The following MAGI2 variants were observed in gnomAD, a reference collection of about 807,000 sequenced individuals.
MAGI2 encodes membrane associated guanylate kinase, WW and PDZ domain containing 2, also known as membrane-associated guanylate kinase, WW and PDZ domain-containing protein 2.
Under a neutral mutation model 133.3 loss-of-function variants are expected in MAGI2, and 35 were observed. The observed-to-expected ratio is 0.26, with a 90% CI of 0.20 to 0.35. MAGI2 has a LOEUF of 0.35. Ranked by LOEUF, MAGI2 falls within the 10% of genes least tolerant of loss-of-function variation. The pLI, the probability that MAGI2 is intolerant of heterozygous loss-of-function variation, is 1.00. For missense variants in MAGI2, 1,636 were observed against 1,863.4 expected (o/e 0.88, Z 2.25); for synonymous variants, 729 against 710.6 (o/e 1.03, Z -0.41).
chr7:79,302,539 G>A (rs1387020824), intron 1 of MAGI2, among the ~76,000 whole-genome samples: 1 of 151,442 alleles, frequency 6.6e-6, no homozygotes, highest in Non-Finnish European at 1.5e-5. Context: ...TATATTTAAA[G>A]TTGATGGATA....
At chr7:78,446,821 A>G (rs539854947) in intron 6 of MAGI2, among the ~76,000 whole-genome samples, 1 of 152,232 alleles carries the variant, frequency 6.6e-6, no homozygotes, top group African/African-American at 2.4e-5. Context: ...CATTGCAATT[A>G]TGCTTATAAG....
chr7:78,162,503 C>T (rs532557147), intron 15 of MAGI2, among the ~76,000 whole-genome samples: 3 of 140,496 alleles, frequency 2.1e-5, no homozygotes, highest in African/African-American at 5.4e-5. Flanking sequence ...CCAGCCTGGG[C>T]GACAGAGCGA....
intron 5 of MAGI2, among the ~76,000 whole-genome samples, chr7:78,499,958 C>G (rs1042905783): frequency 6.6e-6 from 1 of 152,166 alleles, no homozygotes; most frequent in East Asian, 1.9e-4. Context: ...AACATTCTTT[C>G]TATTTTCCAA....
At chr7:78,994,542 G>A (rs1269554457) in intron 2 of MAGI2, among the ~76,000 whole-genome samples, 3 of 152,062 alleles carry the variant, frequency 2.0e-5, no homozygotes, top group African/African-American at 7.2e-5. Context: ...TCTATATTCT[G>A]GAGCCTCCTA....
chr7:79,409,087 T>C (rs1193073830), intron 1 of MAGI2, among the ~76,000 whole-genome samples: 4 of 152,112 alleles, frequency 2.6e-5, no homozygotes, highest in Non-Finnish European at 4.4e-5. Context: ...AGTTTTAGTG[T>C]AGCTTATACA....
At position 78,125,777 on chromosome 7, in the gene MAGI2, G is replaced by A. The variant is rs1820916828; in HGVS notation, c.3484C>T (p.Arg1162Cys). ...TCCATTTTGTATTCCCTTCCTCCAC[G>A]AATGCTGAATCCAAATCCTTTGGCT... Reference protein sequence around the residue: ...KGAKGFGFSIRGGREYKMDLY... With the variant: ...KGAKGFGFSICGGREYKMDLY... The change falls in exon 20 of 22, where the codon CGT becomes TGT. Residue 1162 changes from arginine (R) to cysteine (C), a missense_variant. This residue lies in a region of MAGI2 where 49 missense variants were observed against 103.8 expected (regional missense o/e 0.47). Coordinates refer to ENST00000354212, the MANE Select transcript of MAGI2 (RefSeq NM_012301.4). 6.2e-7 allele frequency: 1 copy of A among 1,613,910 alleles called. No homozygotes were observed. The highest frequency in any genetic ancestry group is 1.3e-5 in the African/African-American group (1 of 74,884).
At chr7:78,659,200 C>T (rs1179878822) in intron 2 of MAGI2, among the ~76,000 whole-genome samples, 1 of 151,900 alleles carries the variant, frequency 6.6e-6, no homozygotes, top group Admixed American at 6.6e-5. Context: ...GCCTGTAATT[C>T]AGCACTTTGG....
intron 1 of MAGI2, among the ~76,000 whole-genome samples, chr7:79,222,953 C>T (rs1433936556): frequency 1.3e-5 from 2 of 151,994 alleles, no homozygotes; most frequent in East Asian, 3.9e-4. Context: ...GGCGCTGTCT[C>T]GGCTCACTGC....
At chr7:78,823,475 G>C (rs573256567) in intron 2 of MAGI2, among the ~76,000 whole-genome samples, 7 of 151,430 alleles carry the variant, frequency 4.6e-5, no homozygotes, top group East Asian at 3.9e-4. Context: ...CCCAGCTACT[G>C]GGGAGGCTGA....
intron 2 of MAGI2, among the ~76,000 whole-genome samples, chr7:78,842,818 A>G (rs901152992): frequency 7.9e-5 from 12 of 151,940 alleles, no homozygotes; most frequent in African/African-American, 2.9e-4. Context: ...TTTCATTTTT[A>G]TTGTAAGTAG....
chr7:78,221,715 AG>A (rs1788845818), intron 10 of MAGI2, among the ~76,000 whole-genome samples: 1 of 151,954 alleles, frequency 6.6e-6, no homozygotes, highest in African/African-American at 2.4e-5. Context: ...TACCAAGGCC[AG>A]GTGCAGTGGC....
At chr7:78,513,708 C>T (rs1795797662) in intron 4 of MAGI2, among the ~76,000 whole-genome samples, 2 of 152,160 alleles carry the variant, frequency 1.3e-5, no homozygotes, top group Admixed American at 6.5e-5. Flanking sequence ...GATCAAATCT[C>T]CCTCACACAC....
chr7:79,294,412 C>G (rs904542691), intron 1 of MAGI2, among the ~76,000 whole-genome samples: 2 of 151,870 alleles, frequency 1.3e-5, no homozygotes, highest in African/African-American at 4.8e-5. Flanking sequence ...CCCATCTCAC[C>G]GATTGAACCT....
intron 2 of MAGI2, among the ~76,000 whole-genome samples, chr7:78,873,479 T>G (rs905894531): frequency 2.0e-5 from 3 of 152,090 alleles, no homozygotes; most frequent in Non-Finnish European, 4.4e-5. Flanking sequence ...ATCTAGGATG[T>G]GAGCTCCTTA....
chr7:78,664,235 A>G (rs889919090), intron 2 of MAGI2, among the ~76,000 whole-genome samples: 1 of 152,220 alleles, frequency 6.6e-6, no homozygotes, highest in African/African-American at 2.4e-5. Flanking sequence ...ACACACAACC[A>G]TTCTACTTTT....
At chr7:78,268,042 T>G (rs887081034) in intron 9 of MAGI2, among the ~76,000 whole-genome samples, 1 of 152,148 alleles carries the variant, frequency 6.6e-6, no homozygotes. Flanking sequence ...TAAATATACA[T>G]GTAGATAGGT....
intron 1 of MAGI2, among the ~76,000 whole-genome samples, chr7:79,194,025 C>T (rs1488337325): frequency 6.6e-6 from 1 of 151,820 alleles, no homozygotes; most frequent in African/African-American, 2.4e-5. Flanking sequence ...TACTTAGCAC[C>T]CTTATCCTGC....
intron 2 of MAGI2, among the ~76,000 whole-genome samples, chr7:78,995,126 T>C (rs1041271313): frequency 8.6e-5 from 13 of 151,946 alleles, no homozygotes; most frequent in African/African-American, 3.1e-4. Flanking sequence ...GGAAGAATTG[T>C]CTTGGGCCAC....
At chr7:78,767,559 G>T (rs1465184652) in intron 2 of MAGI2, among the ~76,000 whole-genome samples, 1 of 152,096 alleles carries the variant, frequency 6.6e-6, no homozygotes, top group Non-Finnish European at 1.5e-5. Context: ...ACCTAATAAG[G>T]CTTTTAAAAA....
Sources: allele counts gnomAD v4.1 joint callset (sites outside exome capture counted in the v4.1 genomes callset), GRCh38; gene constraint gnomAD v4.1.1; regional missense constraint gnomAD v4.1.1; transcripts MANE v1.5; gene names NCBI Gene and HGNC (gene_info 2026-07-23, HGNC 2026-07-21).